The following SLC25A26 variants were observed in gnomAD, a reference collection of about 807,000 sequenced individuals.
The protein encoded by SLC25A26 is mitochondrial S-adenosylmethionine carrier protein.
In SLC25A26, 36 loss-of-function variants were observed where a neutral mutation model predicts 37.8. That is an observed-to-expected ratio of 0.95 (90% CI 0.73 to 1.26). SLC25A26 has a LOEUF of 1.26. SLC25A26 is among the 50% of genes most tolerant of loss of function. SLC25A26 has a pLI of 0.00. For missense variants in SLC25A26, 390 were observed against 331.1 expected, an observed-to-expected ratio of 1.18 and a Z score of -1.38; for synonymous variants, 129 against 122.5, an observed-to-expected ratio of 1.05 and a Z score of -0.35.
chr3:66,292,113 G>T (rs1175250303), intron 5 of SLC25A26, among the ~76,000 whole-genome samples: 6 of 152,098 alleles, frequency 3.9e-5, no homozygotes, highest in African/African-American at 9.7e-5. Context: ...CAGAGACTAG[G>T]ATTGCAACCG....
chr3:66,354,677 AG>A (rs1193172957), intron 6 of SLC25A26, among the ~76,000 whole-genome samples: 3 of 152,188 alleles, frequency 2.0e-5, no homozygotes, highest in Non-Finnish European at 4.4e-5. Flanking sequence ...CTCAGTGCTC[AG>A]GGTCTGCAGT....
intron 5 of SLC25A26, among the ~76,000 whole-genome samples, chr3:66,324,467 C>T (rs1284191515): frequency 6.6e-6 from 1 of 151,942 alleles, no homozygotes; most frequent in Non-Finnish European, 1.5e-5. Flanking sequence ...TCCATGGGAG[C>T]AATTGGGGAG....
intron 5 of SLC25A26, among the ~76,000 whole-genome samples, chr3:66,335,072 A>G (rs1332489867): frequency 2.6e-5 from 4 of 152,234 alleles, no homozygotes; most frequent in Non-Finnish European, 4.4e-5. Context: ...TACAAGTTAT[A>G]TAATAGGTTC....
chr3:66,209,890 C>CTATTTTTATA (rs1270604528), intron 1 of SLC25A26, among the ~76,000 whole-genome samples: 2 of 32,058 alleles, frequency 6.2e-5, no homozygotes, highest in African/African-American at 1.1e-4. Context: ...CTCTCTCTCT[C>CTATTTTTATA]TCTCTATTTA....
chr3:66,219,467 C>T (rs1438313957), upstream of SLC25A26, among the ~76,000 whole-genome samples: 5 of 152,196 alleles, frequency 3.3e-5, no homozygotes, highest in Non-Finnish European at 7.3e-5. Context: ...GACCAAAGCA[C>T]ATGAGACTTT....
At chr3:66,179,290 GAT>G (rs2070650066) in intron 1 of SLC25A26, among the ~76,000 whole-genome samples, 1 of 152,142 alleles carries the variant, frequency 6.6e-6, no homozygotes, top group Non-Finnish European at 1.5e-5. Context: ...ATTTGATATT[GAT>G]ATGTTTCTCC....
At chr3:66,236,736 A>T (rs188508357) in intron 2 of SLC25A26, 36 bp downstream of exon 2, 1 of 1,443,204 alleles carries the variant, frequency 6.9e-7, no homozygotes, top group African/African-American at 1.4e-5. Context: ...TAAAGCCAAG[A>T]TAAGATGGGA....
chr3:66,316,599 G>T (rs1003589151), intron 5 of SLC25A26, among the ~76,000 whole-genome samples: 2 of 151,952 alleles, frequency 1.3e-5, no homozygotes, highest in Non-Finnish European at 2.9e-5. Context: ...ATGTCTTGGG[G>T]TTGATATTCT....
At chr3:66,246,971 C>T (rs972195417) in intron 3 of SLC25A26, among the ~76,000 whole-genome samples, 3 of 152,170 alleles carry the variant, frequency 2.0e-5, no homozygotes, top group Non-Finnish European at 4.4e-5. Flanking sequence ...ACGCCATTCT[C>T]TTGCCTCAGC....
intron 1 of SLC25A26, among the ~76,000 whole-genome samples, chr3:66,228,921 CT>C (rs1208819695): frequency 1.3e-5 from 2 of 152,170 alleles, no homozygotes; most frequent in Non-Finnish European, 2.9e-5. Context: ...ACTGGGGATT[CT>C]TGTCCAGAGA....
chr3:66,329,856 A>G (rs368723475), intron 5 of SLC25A26, among the ~76,000 whole-genome samples: 14 of 152,094 alleles, frequency 9.2e-5, no homozygotes, highest in African/African-American at 3.4e-4. Context: ...AGTTTCTCCA[A>G]TGCATTTTAA....
intron 1 of SLC25A26, among the ~76,000 whole-genome samples, chr3:66,197,946 G>A (rs1401576269): frequency 1.3e-5 from 2 of 152,110 alleles, no homozygotes; most frequent in African/African-American, 2.4e-5. Context: ...GATGGTCATA[G>A]ACAGGATCAG....
At chr3:66,304,655 TA>T (rs1576835995) in intron 5 of SLC25A26, 1 of 284,584 alleles carries the variant, frequency 3.5e-6, no homozygotes, top group East Asian at 9.2e-5. Flanking sequence ...CGTTGTTCAC[TA>T]ATACATTCTT....
chr3:66,195,167 C>T (rs1331369144), intron 1 of SLC25A26, among the ~76,000 whole-genome samples: 1 of 152,218 alleles, frequency 6.6e-6, no homozygotes, highest in Non-Finnish European at 1.5e-5. Flanking sequence ...TACTGCCACT[C>T]TTGGCAAAGT....
chr3:66,283,693 C>T (rs1250802521), intron 5 of SLC25A26, among the ~76,000 whole-genome samples: 2 of 151,984 alleles, frequency 1.3e-5, no homozygotes, highest in Non-Finnish European at 2.9e-5. Context: ...GTAATAATAC[C>T]CCATAATGGT....
At chr3:66,377,641 C>A in intron 9 of SLC25A26, 49 bp from the exon 10 acceptor site, 1 of 1,469,094 alleles carries the variant, frequency 6.8e-7, no homozygotes, top group Non-Finnish European at 9.5e-7. Context: ...TGGAATTTAA[C>A]CTTTTTTTAA....
intron 3 of SLC25A26, among the ~76,000 whole-genome samples, chr3:66,260,161 C>T (rs946772334): frequency 6.6e-6 from 1 of 152,154 alleles, no homozygotes; most frequent in Non-Finnish European, 1.5e-5. Flanking sequence ...AAATACCCCT[C>T]CTCCACATTT....
chr3:66,200,094 T>C (rs1052145714), intron 1 of SLC25A26, among the ~76,000 whole-genome samples: 2 of 152,252 alleles, frequency 1.3e-5, no homozygotes, highest in African/African-American at 4.8e-5. Context: ...ATATGATCTA[T>C]TACAATGAGG....
intron 5 of SLC25A26, among the ~76,000 whole-genome samples, chr3:66,279,489 GT>G (rs553012575): frequency 4.9e-4 from 74 of 152,230 alleles, no homozygotes; most frequent in African/African-American, 1.6e-3. Context: ...TAGTCCATTT[GT>G]TTGAAGGCTT....
Sources: allele counts gnomAD v4.1 joint callset (sites outside exome capture counted in the v4.1 genomes callset), GRCh38; gene constraint gnomAD v4.1.1; transcripts MANE v1.5; gene names NCBI Gene and HGNC (gene_info 2026-07-23, HGNC 2026-07-21).